PKNOX2: variants seen among roughly 807,000 people sequenced by gnomAD.
PKNOX2 encodes homeobox protein PKNOX2.
PKNOX2 carries 14 observed loss-of-function variants against 53.1 expected under a neutral mutation model. That is an observed-to-expected ratio of 0.26 (90% CI 0.17 to 0.41). The LOEUF is 0.41. PKNOX2 is among the 10% of genes least tolerant of loss of function. PKNOX2 has a pLI of 1.00. For synonymous variants in PKNOX2, 257 were observed against 242.8 expected (o/e 1.06, Z -0.54); for missense variants, 496 against 602.8 (o/e 0.82, Z 1.85).
intron 5 of PKNOX2, among the ~76,000 whole-genome samples, chr11:125,369,530 C>T (rs1309328553): frequency 6.6e-6 from 1 of 152,170 alleles, no homozygotes; most frequent in Admixed American, 6.5e-5. Flanking sequence ...AGTCTCTTCC[C>T]TCCATCTCTC....
At position 125,267,749 on chromosome 11, in the gene PKNOX2, G is replaced by A. The variant is rs76886944; in HGVS notation, c.-130+32634G>A. Among the ~76,000 whole-genome samples the A allele has an allele frequency of 2.4e-3, 356 of 147,478 alleles. 3 individuals carry two copies. Among genetic ancestry groups the A allele is most frequent in the Middle Eastern group, 6.8e-3 (2 of 294 alleles). ...GTGTGCATGTGTTGTGCATGTGTGCGCGTGTGTGTGTGCATGTGTGTGTGT... is the reference window on the plus strand; with the variant it reads ...GTGTGCATGTGTTGTGCATGTGTGCACGTGTGTGTGTGCATGTGTGTGTGT... On this transcript the variant is annotated intron_variant, in intron 2 of 12. Transcript: ENST00000298282.
intron 1 of PKNOX2, among the ~76,000 whole-genome samples, chr11:125,187,920 G>T (rs1956555218): frequency 6.6e-6 from 1 of 152,182 alleles, no homozygotes; most frequent in Non-Finnish European, 1.5e-5. Context: ...TTGGAGTCTT[G>T]CTCAGAGCAA....
chr11:125,255,732 G>A (rs1245748567), intron 2 of PKNOX2, among the ~76,000 whole-genome samples: 1 of 151,940 alleles, frequency 6.6e-6, no homozygotes, highest in African/African-American at 2.4e-5. Context: ...GGCAAGGTGG[G>A]GGACGGGCTT....
chr11:125,253,036 A>G (rs894239774), intron 2 of PKNOX2, among the ~76,000 whole-genome samples: 1 of 152,236 alleles, frequency 6.6e-6, no homozygotes, highest in Admixed American at 6.5e-5. Flanking sequence ...GTCATTGCAC[A>G]GTCAAGAACG....
At chr11:125,204,272 A>T (rs527919688) in intron 1 of PKNOX2, among the ~76,000 whole-genome samples, 1 of 152,162 alleles carries the variant, frequency 6.6e-6, no homozygotes, top group African/African-American at 2.4e-5. Context: ...AGAAGGGGTG[A>T]TTAAAGCTGT....
Position 125,321,180 on chromosome 11 carries a change from T to C in PKNOX2, c.-129-10639T>C, listed in dbSNP as rs568977343. 6.6e-5 allele frequency among the ~76,000 whole-genome samples: 10 copies of C among 152,272 alleles called. No homozygotes were observed. The South Asian group carries it at 2.1e-3, about 32-fold the overall frequency. ...GAGGTGTCTAAAAGTGGAATCTGTA[T>C]AGGAGAGGGTGAGTACAGTTTAACT... On this transcript the variant is annotated intron_variant, in intron 2 of 12. Coordinates refer to ENST00000298282, the MANE Select transcript of PKNOX2 (RefSeq NM_001382323.2).
Position 125,415,097 on chromosome 11 carries a change from T to C in PKNOX2, c.936+3232T>C, listed in dbSNP as rs369803212. 2.0e-4 allele frequency among the ~76,000 whole-genome samples: 31 copies of C among 152,280 alleles called. 2 individuals are homozygous for C. The highest frequency in any genetic ancestry group is 6.5e-4 in the Admixed American group (10 of 15,298). ...GTAAATTTCTCAGAAATAAGGATCA[T>C]ACATTATATTCCTCTAGGAGCCCTA... On this transcript the variant is annotated intron_variant, in intron 10 of 12. Coordinates refer to ENST00000298282, the MANE Select transcript of PKNOX2 (RefSeq NM_001382323.2).
At chr11:125,252,970 CTTCGGCTA>C (rs1944120772) in intron 2 of PKNOX2, among the ~76,000 whole-genome samples, 2 of 152,228 alleles carry the variant, frequency 1.3e-5, no homozygotes, top group African/African-American at 4.8e-5. Context: ...ATACCAAGGC[CTTCGGCTA>C]TTCACCAGCA....
intron 2 of PKNOX2, among the ~76,000 whole-genome samples, chr11:125,264,861 C>G (rs1400757341): frequency 6.6e-6 from 1 of 152,138 alleles, no homozygotes; most frequent in Non-Finnish European, 1.5e-5. Flanking sequence ...TCCCATCCTC[C>G]CCTGGCCCCA....
chr11:125,222,947 T>C (rs1171903884), intron 1 of PKNOX2, among the ~76,000 whole-genome samples: 1 of 152,194 alleles, frequency 6.6e-6, no homozygotes, highest in Non-Finnish European at 1.5e-5. Flanking sequence ...TGCAAGCAGC[T>C]TCTGAACACA....
chr11:125,214,570 G>T (rs771993381), intron 1 of PKNOX2, among the ~76,000 whole-genome samples: 6 of 152,042 alleles, frequency 3.9e-5, no homozygotes, highest in African/African-American at 9.7e-5. Context: ...TTTTGCCTGG[G>T]CTGGCCCTGC....
intron 5 of PKNOX2, among the ~76,000 whole-genome samples, chr11:125,383,615 A>G (rs2135365824): frequency 6.6e-6 from 1 of 152,256 alleles, no homozygotes; most frequent in South Asian, 2.1e-4. Flanking sequence ...AGACTGTCAA[A>G]AAAACAAACA....
At chr11:125,187,952 C>T (rs1461222932) in intron 1 of PKNOX2, among the ~76,000 whole-genome samples, 3 of 152,204 alleles carry the variant, frequency 2.0e-5, no homozygotes, top group Admixed American at 6.5e-5. Flanking sequence ...TCAGAAAATA[C>T]CAATTTCATG....
intron 2 of PKNOX2, among the ~76,000 whole-genome samples, chr11:125,296,574 C>T (rs1033276089): frequency 7.9e-5 from 12 of 152,200 alleles, no homozygotes; most frequent in African/African-American, 2.9e-4. Context: ...CCTTTTAATT[C>T]TGGCTTATTT....
intron 10 of PKNOX2, among the ~76,000 whole-genome samples, chr11:125,423,182 CT>C (rs1397103677): frequency 6.6e-6 from 1 of 152,014 alleles, no homozygotes; most frequent in East Asian, 1.9e-4. Flanking sequence ...GAAGAAGAAA[CT>C]AAGTAATTTG....
At chr11:125,202,256 G>A (rs1330002729) in intron 1 of PKNOX2, among the ~76,000 whole-genome samples, 1 of 152,220 alleles carries the variant, frequency 6.6e-6, no homozygotes. Context: ...CCAGGGGCCA[G>A]CCAGGCTGCA....
At chr11:125,208,583 G>C (rs1452085107) in intron 1 of PKNOX2, among the ~76,000 whole-genome samples, 1 of 152,038 alleles carries the variant, frequency 6.6e-6, no homozygotes, top group East Asian at 1.9e-4. Context: ...AATGGGACAG[G>C]AGAAAGTGAA....
intron 2 of PKNOX2, among the ~76,000 whole-genome samples, chr11:125,259,477 C>G (rs147451448): frequency 1.3e-5 from 2 of 152,238 alleles, no homozygotes; most frequent in African/African-American, 4.8e-5. Context: ...AGAGTTGGGT[C>G]TCTTTTCATT....
intron 3 of PKNOX2, among the ~76,000 whole-genome samples, chr11:125,347,064 G>T (rs972203106): frequency 1.3e-5 from 2 of 152,300 alleles, no homozygotes; most frequent in South Asian, 2.1e-4. Flanking sequence ...AGAGGGAGTG[G>T]GCGGAATGGC....
Sources: allele counts gnomAD v4.1 joint callset (sites outside exome capture counted in the v4.1 genomes callset), GRCh38; gene constraint gnomAD v4.1.1; transcripts MANE v1.5; gene names NCBI Gene and HGNC (gene_info 2026-07-23, HGNC 2026-07-21).